Variants in COL4A5 observed in about 807,000 individuals in gnomAD.
COL4A5 encodes collagen type IV alpha 5 chain.
Under a neutral mutation model 130.2 loss-of-function variants are expected in COL4A5, and 26 were observed. The observed-to-expected ratio is 0.20, with a 90% confidence interval of 0.15 to 0.28. The LOEUF (loss-of-function observed/expected upper bound fraction) is 0.28, where lower values mean the gene tolerates loss of function less well. Ranked by LOEUF, COL4A5 falls within the 10% of genes least tolerant of loss-of-function variation. The pLI is 1.00. For missense variants in COL4A5, 1,131 were observed against 1,344.3 expected, an observed-to-expected ratio of 0.84 and a Z score of 2.48; for synonymous variants, 496 against 439.6, an observed-to-expected ratio of 1.13 and a Z score of -1.60.
At chrX:108,634,630 CT>C (rs1240325830) in intron 36 of COL4A5, among the ~76,000 whole-genome samples, 1 of 111,628 alleles carries the variant, frequency 9.0e-6, no homozygotes, top group Non-Finnish European at 1.9e-5. Context: ...CTCTTGGTAA[CT>C]TTTTTACAAT....
At chrX:108,465,766 T>A (rs759699029) in intron 1 of COL4A5, among the ~76,000 whole-genome samples, 67 of 111,928 alleles carry the variant, frequency 6.0e-4, no homozygotes, top group Admixed American at 2.9e-3. Flanking sequence ...GTGTGCAGTG[T>A]GAGTTAAGGG....
chrX:108,461,151 C>G (rs2064646530), intron 1 of COL4A5, among the ~76,000 whole-genome samples: 1 of 111,476 alleles, frequency 9.0e-6, no homozygotes, highest in Non-Finnish European at 1.9e-5. Flanking sequence ...GATTCATTTT[C>G]TGGGGCCTGG....
At chrX:108,671,461 G>C (rs185038667) in intron 42 of COL4A5, among the ~76,000 whole-genome samples, 1 of 111,970 alleles carries the variant, frequency 8.9e-6, no homozygotes, top group Admixed American at 9.5e-5. Context: ...ACCATAGAAT[G>C]TCAGATCTAG....
chrX:108,580,121 G>C (rs2066216834), intron 13 of COL4A5, among the ~76,000 whole-genome samples: 1 of 111,027 alleles, frequency 9.0e-6, no homozygotes, highest in African/African-American at 3.3e-5. Context: ...CTTTATTTTA[G>C]ATACAGGGGG....
intron 18 of COL4A5, 122 bp from the exon 19 acceptor site, chrX:108,586,493 G>A: frequency 3.0e-6 from 2 of 665,020 alleles, no homozygotes. Context: ...GATACAAAAT[G>A]TGACTCATAA....
chrX:108,558,413 G>A (rs778776567), intron 2 of COL4A5, among the ~76,000 whole-genome samples: 3 of 110,371 alleles, frequency 2.7e-5, no homozygotes, highest in South Asian at 3.9e-4. Context: ...CAACCCTACT[G>A]TAAAGGTGCT....
chrX:108,495,123 CT>C (rs747647648), intron 1 of COL4A5, among the ~76,000 whole-genome samples: 11 of 110,011 alleles, frequency 1.0e-4, no homozygotes, highest in Non-Finnish European at 1.7e-4. Context: ...GGAAGAATAA[CT>C]TTTTTTTTCA....
At chrX:108,442,697 A>G (rs1322948484) in intron 1 of COL4A5, among the ~76,000 whole-genome samples, 3 of 111,708 alleles carry the variant, frequency 2.7e-5, no homozygotes, top group African/African-American at 9.8e-5. Context: ...TGTAGCCATG[A>G]AACACTTCAT....
chrX:108,680,996 G>A (rs776288678), intron 46 of COL4A5, 40 bp downstream of exon 46: 2 of 1,114,113 alleles, frequency 1.8e-6, no homozygotes, highest in Non-Finnish European at 2.5e-6. Flanking sequence ...CTGATACTTA[G>A]ATGCTTTAAA....
intron 1 of COL4A5, among the ~76,000 whole-genome samples, chrX:108,480,946 T>C (rs2064883765): frequency 8.9e-6 from 1 of 112,100 alleles, no homozygotes; most frequent in South Asian, 3.7e-4. Flanking sequence ...GCTGCTCTAA[T>C]GGCTTCCATT....
chrX:108,534,734 T>G (rs1374402779), intron 1 of COL4A5, among the ~76,000 whole-genome samples: 2 of 111,730 alleles, frequency 1.8e-5, no homozygotes, highest in Non-Finnish European at 3.8e-5. Context: ...TGTCTTGTCT[T>G]TTTTGATGCT....
rs73253700 is a variant in COL4A5, at chrX:108,692,270, C to T, written c.4529-478C>T. On this transcript the variant is annotated intron_variant, in intron 49 of 52. Coordinates refer to ENST00000328300, the MANE Select transcript of COL4A5 (RefSeq NM_033380.3). Reference sequence around the variant, plus strand: ...TTTTCCTTTTTACGTATTCTTCAAACCTGACTGTGGTGGCTGTGCACACTG... The same window carrying T: ...TTTTCCTTTTTACGTATTCTTCAAATCTGACTGTGGTGGCTGTGCACACTG... Among the ~76,000 whole-genome samples, 519 of 110,948 alleles carry T rather than the reference C, an allele frequency of 4.7e-3. 2 individuals are homozygous for T. Among genetic ancestry groups the T allele is most frequent in the South Asian group, 0.015 (38 of 2,583 alleles).
At position 108,455,286 on chromosome X, in the gene COL4A5, T is replaced by C. The variant is rs745545710; in HGVS notation, c.81+15080T>C. Among the ~76,000 whole-genome samples, 4 of 112,466 alleles carry C rather than the reference T, an allele frequency of 3.6e-5. No homozygotes were observed. In the South Asian group the frequency reaches 1.5e-3, roughly 41 times the overall value. On this transcript the variant is annotated intron_variant, in intron 1 of 52. Coordinates refer to ENST00000328300, the MANE Select transcript of COL4A5 (RefSeq NM_033380.3). ...GTGTGTCCATAGTTTATTATTTTAT[T>C]GCACAGTAGAATTCCATTGTATTGA... is the stretch of plus-strand genomic sequence containing the variant.
At position 108,524,434 on chromosome X, in the gene COL4A5, G is replaced by A. The variant is rs192873542; in HGVS notation, c.82-15312G>A. Among the ~76,000 whole-genome samples the A allele has an allele frequency of 9.2e-5, 10 of 108,890 alleles. No homozygotes were observed. In the East Asian group the frequency reaches 2.9e-3, roughly 31 times the overall value. 94.6% of individuals were successfully genotyped at this position (108,890 alleles called of 115,157 possible). A position where few individuals can be genotyped will look rare whatever the true frequency, so the allele number is the denominator to read the frequency against. On this transcript the variant is annotated intron_variant, in intron 1 of 52. Transcript: ENST00000328300. ...CTTGGTGGTTTGACAATTTTTTTGAGCTTTTCTGAGAACCAGCTTTTGATC... is the reference window on the plus strand; with the variant it reads ...CTTGGTGGTTTGACAATTTTTTTGAACTTTTCTGAGAACCAGCTTTTGATC...
chrX:108,566,218 C>T (rs184172761), intron 4 of COL4A5, among the ~76,000 whole-genome samples: 2 of 109,273 alleles, frequency 1.8e-5, no homozygotes, highest in African/African-American at 6.6e-5. Context: ...TTCAAGTGGT[C>T]ATCAAGGAAA....
Position 108,624,310 on chromosome X carries a change from C to A in COL4A5, c.2992C>A (p.Gln998Lys), listed in dbSNP as rs756070988. The A allele has an allele frequency of 1.7e-6, 2 of 1,209,002 alleles. No homozygotes were observed. The highest frequency in any genetic ancestry group is 1.8e-5 in the South Asian group (1 of 56,361). ...GDPGQPGLSG[Q>K]PGLPGPPGPK... is the part of the protein sequence containing the mutation. ...CCCAGGGCAACCTGGACTGAGTGGA[C>A]AACCTGGATTACCAGGACCACCAGG... is the stretch of plus-strand genomic sequence containing the variant. The change falls in exon 34 of 53, where the codon CAA becomes AAA. Residue 998 changes from glutamine to lysine, a missense_variant. Coordinates refer to ENST00000328300, the MANE Select transcript of COL4A5 (RefSeq NM_033380.3).
intron 1 of COL4A5, among the ~76,000 whole-genome samples, chrX:108,528,594 A>G (rs1038394368): frequency 4.4e-4 from 50 of 112,580 alleles, no homozygotes; most frequent in African/African-American, 1.4e-3. Context: ...TGGGTGAGAT[A>G]TAAGATAATT....
intron 42 of COL4A5, among the ~76,000 whole-genome samples, chrX:108,671,038 A>AC (rs2068195065): frequency 9.0e-6 from 1 of 110,862 alleles, no homozygotes; most frequent in South Asian, 3.9e-4. Context: ...ATAGGCACAG[A>AC]GAAAAAAAAA....
chrX:108,457,577 A>C (rs1238720472), intron 1 of COL4A5, among the ~76,000 whole-genome samples: 1 of 111,522 alleles, frequency 9.0e-6, no homozygotes, highest in Non-Finnish European at 1.9e-5. Context: ...ATTTTCTTAT[A>C]GTCACCTTTT....
Sources: allele counts gnomAD v4.1 joint callset (sites outside exome capture counted in the v4.1 genomes callset), GRCh38; gene constraint gnomAD v4.1.1; transcripts MANE v1.5; gene names NCBI Gene and HGNC (gene_info 2026-07-23, HGNC 2026-07-21).